ADAMTS9: variants seen among roughly 807,000 people sequenced by gnomAD.
ADAMTS9 encodes A disintegrin and metalloproteinase with thrombospondin motifs 9.
ADAMTS9 carries 107 observed loss-of-function variants against 257.1 expected under a neutral mutation model. That is an observed-to-expected ratio of 0.42 (90% confidence interval 0.36 to 0.49). The LOEUF is 0.49. Among genes scored for constraint, ADAMTS9 ranks in the 20% least tolerant of loss-of-function variants. The pLI, the probability that ADAMTS9 is intolerant of heterozygous loss-of-function variation, is 0.03. For missense variants in ADAMTS9, 2,353 were observed against 2,469.1 expected (o/e 0.95, Z 1.00); for synonymous variants, 982 against 880.9 (o/e 1.11, Z -2.03).
chr3:64,532,863 C>T (rs1166105607), intron 38 of ADAMTS9, among the ~76,000 whole-genome samples: 1 of 152,192 alleles, frequency 6.6e-6, no homozygotes, highest in Non-Finnish European at 1.5e-5. Context: ...GAGCCACACT[C>T]TCGACAGAGG....
At chr3:64,592,676 T>C (rs1002539004) in intron 28 of ADAMTS9, 5 of 152,168 alleles carry the variant, frequency 3.3e-5, no homozygotes, top group African/African-American at 1.2e-4. Context: ...ATCAATGGAA[T>C]TGAGTCTGGG....
chr3:64,567,085 C>T (rs2083563871), intron 29 of ADAMTS9, among the ~76,000 whole-genome samples: 1 of 152,092 alleles, frequency 6.6e-6, no homozygotes, highest in South Asian at 2.1e-4. Context: ...AGGCCACTGC[C>T]CTGAGGAATG....
At chr3:64,603,429 C>T (rs1303894918) in intron 25 of ADAMTS9, among the ~76,000 whole-genome samples, 1 of 152,090 alleles carries the variant, frequency 6.6e-6, no homozygotes, top group African/African-American at 2.4e-5. Flanking sequence ...TAAAAAAACC[C>T]ATAGATAGTG....
chr3:64,616,010 A>C lies in ADAMTS9; in HGVS notation c.2974T>G (p.Cys992Gly). 3.7e-6 allele frequency: 6 copies of C among 1,613,904 alleles called. No homozygotes were observed. Among genetic ancestry groups the C allele is most frequent in the Non-Finnish European group, 5.1e-6 (6 of 1,179,966 alleles). The change falls in exon 20 of 40, where the codon TGC (cysteine) becomes GGC (glycine). Residue 992 changes from cysteine (C) to glycine (G), a missense_variant. Physicochemically the swap from Cys to Gly is radical, Grantham distance 159. Around this residue, in one of 3 missense-constraint regions of ADAMTS9, gnomAD observed 1,402 missense variants for 1,441.4 expected, o/e 0.97. Coordinates refer to ENST00000498707, the MANE Select transcript of ADAMTS9 (RefSeq NM_182920.2). ...CCACCCGTGTTACATTCCCCTGAGCATTTTTCACGGTTGCTTGGTTTGGGA... is the reference window on the plus strand; with the variant it reads ...CCACCCGTGTTACATTCCCCTGAGCCTTTTTCACGGTTGCTTGGTTTGGGA... ...SHPKPSNREK[C>G]SGECNTGGWR...
In ADAMTS9 at chr3:64,644,654, T is replaced by C. The variant is rs1203676388; in HGVS notation, c.1711-2661A>G. 2.6e-5 allele frequency among the ~76,000 whole-genome samples: 4 copies of C among 152,226 alleles called. No homozygotes were observed. In the East Asian group the frequency reaches 7.7e-4, roughly 29 times the overall value. ...CATTCTGCGGGGAAGTCAGACTCCA[T>C]GGCTGGAGCAACCACAGCCATTTTG... On this transcript the variant is annotated intron_variant, in intron 11 of 39. Coordinates refer to ENST00000498707, the MANE Select transcript of ADAMTS9 (RefSeq NM_182920.2).
At chr3:64,654,483 A>C (rs766368128) in intron 7 of ADAMTS9, 25 bp from the exon 8 acceptor site, 80 of 1,612,740 alleles carry the variant, frequency 5.0e-5, no homozygotes, top group Non-Finnish European at 6.6e-5. Flanking sequence ...AAAACCAACA[A>C]GGATTTACTC....
intron 16 of ADAMTS9, among the ~76,000 whole-genome samples, chr3:64,625,881 C>A (rs73122266): frequency 0.027 from 4,169 of 152,230 alleles, 111 homozygotes; most frequent in Non-Finnish European, 0.036. Flanking sequence ...CTAGTCTGAC[C>A]ATTCACTCCC....
intron 30 of ADAMTS9, among the ~76,000 whole-genome samples, chr3:64,559,108 A>G (rs1248890913): frequency 6.6e-6 from 1 of 152,186 alleles, no homozygotes; most frequent in Non-Finnish European, 1.5e-5. Context: ...TAAAAGTAGG[A>G]AGAATTAATA....
chr3:64,593,946 A>ATG (rs1035664411), intron 28 of ADAMTS9, among the ~76,000 whole-genome samples: 2 of 107,378 alleles, frequency 1.9e-5, no homozygotes, highest in African/African-American at 6.2e-5. Context: ...ATCACTATGT[A>ATG]TGTGTGTGTG....
intron 16 of ADAMTS9, among the ~76,000 whole-genome samples, chr3:64,624,088 T>C (rs1203149165): frequency 6.6e-6 from 1 of 151,306 alleles, no homozygotes; most frequent in Non-Finnish European, 1.5e-5. Flanking sequence ...TGGGGAGATG[T>C]TGGTCAAAGA....
chr3:64,667,956 G>A (rs1034776041), intron 3 of ADAMTS9, among the ~76,000 whole-genome samples: 1 of 152,242 alleles, frequency 6.6e-6, no homozygotes, highest in Non-Finnish European at 1.5e-5. Flanking sequence ...CCCAGGGCCT[G>A]TGTTTTACTA....
chr3:64,645,798 G>T lies in ADAMTS9; in HGVS notation c.1710+2142C>A, dbSNP rs550000112. Reference sequence around the variant, plus strand: ...GAATGCCTTGAAGGCTCCTGCTCTTGCTACAAGCACACCCACTTGCTTGTG... The same window carrying T: ...GAATGCCTTGAAGGCTCCTGCTCTTTCTACAAGCACACCCACTTGCTTGTG... On this transcript the variant is annotated intron_variant, in intron 11 of 39. Transcript: ENST00000498707. Among the ~76,000 whole-genome samples, 3 of 152,170 alleles carry T rather than the reference G, an allele frequency of 2.0e-5. No homozygotes were observed. In the South Asian group the frequency reaches 6.2e-4, roughly 32 times the overall value.
At chr3:64,523,591 C>T (rs13095481) in intron 38 of ADAMTS9, among the ~76,000 whole-genome samples, 105,850 of 152,064 alleles carry the variant, frequency 0.7, 40,637 homozygotes, top group Non-Finnish European at 0.86. Flanking sequence ...ACAAAGCTTG[C>T]GAAACTGTTA....
chr3:64,670,182 T>G (rs1449465833), intron 3 of ADAMTS9, among the ~76,000 whole-genome samples: 4 of 152,210 alleles, frequency 2.6e-5, no homozygotes, highest in Non-Finnish European at 4.4e-5. Flanking sequence ...CCTGTCTGCA[T>G]GCACATACAC....
Position 64,546,890 on chromosome 3 carries a change from G to A in ADAMTS9, c.4932C>T (p.Thr1644=), listed in dbSNP as rs754539373. The change falls in exon 32 of 40, where the codon ACC becomes ACT. Residue 1644 remains threonine (T), a synonymous_variant. Coordinates refer to ENST00000498707, the MANE Select transcript of ADAMTS9 (RefSeq NM_182920.2). ...AGCTGTATTCATAATTCTCCTTCCC[G>A]GTGTAAATCTCGCTGCACGAGACAA... ...QRLVSCSEIY[T]GKENYEYSYQ... is the part of the protein sequence containing the mutation. 216 of 1,613,888 alleles carry A rather than the reference G, an allele frequency of 1.3e-4. No individual in the cohort carries two copies. The East Asian group carries it at 4.0e-3, about 30-fold the overall frequency.
intron 28 of ADAMTS9, among the ~76,000 whole-genome samples, chr3:64,593,958 ATGATG>A (rs1287706314): frequency 0.023 from 2,891 of 125,180 alleles, 79 homozygotes; most frequent in African/African-American, 0.075. Context: ...GTGTGTGTGT[ATGATG>A]TGTGTGTGTG....
At chr3:64,526,807 A>G (rs1489049170) in intron 38 of ADAMTS9, among the ~76,000 whole-genome samples, 1 of 152,188 alleles carries the variant, frequency 6.6e-6, no homozygotes, top group East Asian at 1.9e-4. Context: ...GAGATAATGC[A>G]TGTAATGTGC....
intron 30 of ADAMTS9, among the ~76,000 whole-genome samples, chr3:64,556,978 A>G (rs965851835): frequency 9.9e-5 from 15 of 152,214 alleles, no homozygotes; most frequent in African/African-American, 3.6e-4. Flanking sequence ...TAAATAACTG[A>G]TAACATAGAT....
chr3:64,533,552 G>A (rs781523216), intron 37 of ADAMTS9, among the ~76,000 whole-genome samples: 3 of 152,198 alleles, frequency 2.0e-5, no homozygotes, highest in Admixed American at 6.5e-5. Context: ...GGATACGGTA[G>A]GAGTCCAACT....
Sources: allele counts gnomAD v4.1 joint callset (sites outside exome capture counted in the v4.1 genomes callset), GRCh38; gene constraint gnomAD v4.1.1; regional missense constraint gnomAD v4.1.1; transcripts MANE v1.5; gene names NCBI Gene and HGNC (gene_info 2026-07-23, HGNC 2026-07-21).